The following DDAH1 variants were observed in gnomAD, a reference collection of about 807,000 sequenced individuals.
DDAH1 encodes the protein N(G),N(G)-dimethylarginine dimethylaminohydrolase 1.
A neutral mutation model predicts 28.8 loss-of-function variants in DDAH1; 19 were observed. That is an observed-to-expected ratio of 0.66 (90% CI 0.46 to 0.97). The LOEUF is 0.97. Among genes scored for constraint, DDAH1 ranks in the 50% least tolerant of loss-of-function variants. The pLI is 0.00. For synonymous variants in DDAH1, 153 were observed against 154.4 expected (o/e 0.99, Z 0.07); for missense variants, 326 against 375.9 (o/e 0.87, Z 1.10).
intron 1 of DDAH1, among the ~76,000 whole-genome samples, chr1:85,519,638 T>A (rs1413126972): frequency 6.6e-6 from 1 of 151,824 alleles, no homozygotes; most frequent in Non-Finnish European, 1.5e-5. Context: ...CTAAGAAAAA[T>A]GCTAAAAACA....
intron 1 of DDAH1, among the ~76,000 whole-genome samples, chr1:85,547,562 T>A (rs546873881): frequency 1.3e-5 from 2 of 152,312 alleles, no homozygotes; most frequent in South Asian, 4.1e-4. Context: ...CAACCAGTAC[T>A]GTCAGGATAG....
intron 1 of DDAH1, among the ~76,000 whole-genome samples, chr1:85,520,729 C>A (rs567650930): frequency 5.0e-4 from 76 of 152,218 alleles, no homozygotes; most frequent in African/African-American, 1.7e-3. Context: ...CATTACTGAA[C>A]GCAGGGGACA....
intron 1 of DDAH1, among the ~76,000 whole-genome samples, chr1:85,512,084 G>A (rs992273143): frequency 2.0e-4 from 30 of 152,256 alleles, no homozygotes; most frequent in African/African-American, 7.0e-4. Context: ...GATGAACATC[G>A]ATGCGAAAAT....
intron 1 of DDAH1, among the ~76,000 whole-genome samples, chr1:85,426,925 A>AAAC (rs1553133526): frequency 5.5e-5 from 8 of 146,196 alleles, no homozygotes; most frequent in African/African-American, 1.5e-4. Flanking sequence ...AAAAAACAAA[A>AAAC]AAAAAAAAAA....
chr1:85,369,507 T>C (rs1650263423), intron 1 of DDAH1, among the ~76,000 whole-genome samples: 1 of 152,220 alleles, frequency 6.6e-6, no homozygotes, highest in Non-Finnish European at 1.5e-5. Context: ...AAGATTCATC[T>C]TTATTTCTAA....
intron 2 of DDAH1, among the ~76,000 whole-genome samples, chr1:85,358,162 A>G (rs575242232): frequency 1.3e-5 from 2 of 152,378 alleles, no homozygotes; most frequent in South Asian, 2.1e-4. Context: ...GAAGCAAGAT[A>G]CAAAGTGGTG....
intron 1 of DDAH1, among the ~76,000 whole-genome samples, chr1:85,386,605 A>G (rs927646717): frequency 6.6e-6 from 1 of 152,196 alleles, no homozygotes; most frequent in Non-Finnish European, 1.5e-5. Context: ...AGCTTTTCCA[A>G]GCTGAGGGTA....
chr1:85,439,021 C>A (rs1353443734), intron 1 of DDAH1, among the ~76,000 whole-genome samples: 1 of 152,214 alleles, frequency 6.6e-6, no homozygotes, highest in East Asian at 1.9e-4. Flanking sequence ...CTTCTTTGAA[C>A]TCCAACTAGC....
At chr1:85,457,494 T>A (rs1023705725) in intron 1 of DDAH1, among the ~76,000 whole-genome samples, 28 of 152,164 alleles carry the variant, frequency 1.8e-4, no homozygotes, top group Non-Finnish European at 5.9e-5. Context: ...CTAATTCATC[T>A]GTATCTCCCC....
At chr1:85,370,135 T>A (rs1450486241) in intron 1 of DDAH1, among the ~76,000 whole-genome samples, 1 of 152,106 alleles carries the variant, frequency 6.6e-6, no homozygotes. Flanking sequence ...TAAAATGAGG[T>A]CATTAGGATG....
intron 2 of DDAH1, among the ~76,000 whole-genome samples, chr1:85,485,309 G>T (rs1263362867): frequency 6.6e-6 from 1 of 151,452 alleles, no homozygotes; most frequent in East Asian, 1.9e-4. Flanking sequence ...AGCTTAGGTA[G>T]TTTTTTTTTA....
At chr1:85,547,749 A>T (rs1658670870) in intron 1 of DDAH1, among the ~76,000 whole-genome samples, 1 of 152,224 alleles carries the variant, frequency 6.6e-6, no homozygotes, top group East Asian at 1.9e-4. Context: ...TTTACTCTGA[A>T]TAAAATATTC....
At chr1:85,452,716 G>A (rs528177462) in intron 1 of DDAH1, among the ~76,000 whole-genome samples, 19 of 152,294 alleles carry the variant, frequency 1.2e-4, no homozygotes, top group Non-Finnish European at 2.6e-4. Flanking sequence ...CTGCATATAT[G>A]CTTTCTCCTC....
intron 1 of DDAH1, among the ~76,000 whole-genome samples, chr1:85,395,883 G>A (rs1651791234): frequency 1.3e-5 from 2 of 151,992 alleles, no homozygotes; most frequent in African/African-American, 4.8e-5. Flanking sequence ...TTCTTGACAT[G>A]TACTGATCTT....
In DDAH1 at chr1:85,433,291, G is replaced by A. The variant is rs78308040; in HGVS notation, c.303+31452C>T. The stretch of plus-strand genomic sequence containing the variant: ...GCAGACCTAGGAAGAGGGCAGCAGA[G>A]GAGCAGCAGGGGTTTGAGCTTGGCA... On this transcript the variant is annotated intron_variant, in intron 1 of 5. Transcript: ENST00000284031. Among the ~76,000 whole-genome samples the A allele has an allele frequency of 9.2e-3, 1,400 of 152,218 alleles. 10 individuals carry two copies. Among genetic ancestry groups the A allele is most frequent in the Non-Finnish European group, 0.013 (865 of 68,010 alleles).
intron 1 of DDAH1, among the ~76,000 whole-genome samples, chr1:85,451,789 G>A (rs868107200): frequency 5.3e-5 from 8 of 152,244 alleles, no homozygotes; most frequent in African/African-American, 1.9e-4. Context: ...AGTTCAGTGA[G>A]GAGCAGAGGA....
chr1:85,548,919 A>C (rs1382364655), intron 1 of DDAH1, among the ~76,000 whole-genome samples: 1 of 152,168 alleles, frequency 6.6e-6, no homozygotes, highest in Non-Finnish European at 1.5e-5. Flanking sequence ...TTAGCAAGAA[A>C]ACCTTTTTCA....
intron 1 of DDAH1, among the ~76,000 whole-genome samples, chr1:85,543,495 A>G (rs1212866872): frequency 6.6e-6 from 1 of 152,216 alleles, no homozygotes; most frequent in Non-Finnish European, 1.5e-5. Context: ...GATCACTTCA[A>G]GGAAACATTT....
chr1:85,378,062 G>A (rs1479948845), intron 1 of DDAH1, among the ~76,000 whole-genome samples: 1 of 152,008 alleles, frequency 6.6e-6, no homozygotes, highest in Non-Finnish European at 1.5e-5. Flanking sequence ...TTTTATGAAG[G>A]ACATAAGTAA....
Sources: allele counts gnomAD v4.1 joint callset (sites outside exome capture counted in the v4.1 genomes callset), GRCh38; gene constraint gnomAD v4.1.1; transcripts MANE v1.5; gene names NCBI Gene and HGNC (gene_info 2026-07-23, HGNC 2026-07-21).